CAPRIN1: variants seen among roughly 807,000 people sequenced by gnomAD.
CAPRIN1 encodes the protein caprin-1.
Under a neutral mutation model 100.9 loss-of-function variants are expected in CAPRIN1, and 29 were observed. The observed-to-expected ratio is 0.29, with a 90% CI of 0.21 to 0.39. The LOEUF is 0.39. CAPRIN1 is among the 10% of genes least tolerant of loss of function. The pLI is 1.00. For synonymous variants in CAPRIN1, 338 were observed against 307.5 expected (o/e 1.10, Z -1.04); for missense variants, 795 against 876.7 (o/e 0.91, Z 1.18).
At chr11:34,068,823 A>G (rs1420295260) in intron 2 of CAPRIN1, among the ~76,000 whole-genome samples, 2 of 152,186 alleles carry the variant, frequency 1.3e-5, no homozygotes, top group Non-Finnish European at 2.9e-5. Context: ...TTTCATCGCT[A>G]CACAAACATT....
intron 2 of CAPRIN1, among the ~76,000 whole-genome samples, chr11:34,062,459 A>G (rs960767705): frequency 6.6e-6 from 1 of 152,026 alleles, no homozygotes; most frequent in African/African-American, 2.4e-5. Flanking sequence ...CCCCGTCTCT[A>G]CTAAAAATAA....
At chr11:34,081,652 C>A (rs1039235734) in intron 7 of CAPRIN1, among the ~76,000 whole-genome samples, 1 of 152,096 alleles carries the variant, frequency 6.6e-6, no homozygotes, top group Non-Finnish European at 1.5e-5. Context: ...TGGCACCACA[C>A]CTGACTCAGT....
At position 34,088,478 on chromosome 11, in the gene CAPRIN1, T is replaced by C. The variant is rs140845566; in HGVS notation, c.1232-917T>C. ...GAGTTTGAGACCAGCCTGAGCAACA[T>C]AGACCTCGCCTCTACAAAAAAATTA... On this transcript the variant is annotated intron_variant, in intron 11 of 18. Transcript: ENST00000341394. 4.3e-3 allele frequency among the ~76,000 whole-genome samples: 655 copies of C among 152,028 alleles called. 5 individuals are homozygous for C. Among genetic ancestry groups the C allele is most frequent in the African/African-American group, 0.015 (616 of 41,470 alleles).
intron 4 of CAPRIN1, among the ~76,000 whole-genome samples, chr11:34,072,295 A>G (rs997865587): frequency 9.2e-5 from 14 of 151,446 alleles, no homozygotes; most frequent in African/African-American, 1.5e-4. Context: ...CAGCCTGGGC[A>G]ACGTGATAAA....
At chr11:34,083,502 T>G (rs928170123) in intron 9 of CAPRIN1, among the ~76,000 whole-genome samples, 1 of 152,214 alleles carries the variant, frequency 6.6e-6, no homozygotes, top group Non-Finnish European at 1.5e-5. Context: ...TCAGTGACTC[T>G]CTTCATATTA....
At chr11:34,065,895 T>C (rs140491596) in intron 2 of CAPRIN1, among the ~76,000 whole-genome samples, 15 of 152,362 alleles carry the variant, frequency 9.8e-5, no homozygotes, top group African/African-American at 3.4e-4. Context: ...AATAGTAGTG[T>C]AGAAAATGTT....
intron 2 of CAPRIN1, 32 bp downstream of exon 2, chr11:34,052,668 GCTGCGGCCGGGCT>G (rs1190261515): frequency 6.4e-7 from 1 of 1,571,728 alleles, no homozygotes; most frequent in Non-Finnish European, 8.6e-7. Flanking sequence ...GGGAGGGGTG[GCTGCGGCCGGGCT>G]CTGCGGCCCC....
At chr11:34,063,858 T>C (rs1224036620) in intron 2 of CAPRIN1, among the ~76,000 whole-genome samples, 1 of 152,096 alleles carries the variant, frequency 6.6e-6, no homozygotes, top group Non-Finnish European at 1.5e-5. Flanking sequence ...TGGAGTGCAA[T>C]GGTGTGATCT....
intron 9 of CAPRIN1, among the ~76,000 whole-genome samples, chr11:34,084,353 T>C (rs1016725785): frequency 1.1e-4 from 16 of 152,130 alleles, no homozygotes; most frequent in African/African-American, 3.9e-4. Flanking sequence ...CCCAGAAAGG[T>C]ACTTGGGATG....
intron 13 of CAPRIN1, 38 bp from the exon 14 acceptor site, chr11:34,090,470 CTTTTTGTTTGGCTAAGTTTAG>C: frequency 6.4e-7 from 1 of 1,570,354 alleles, no homozygotes; most frequent in Non-Finnish European, 8.7e-7. Context: ...CATCTGTTCA[CTTTTTGTTTGGCTAAGTTTAG>C]TTTACCGCTA....
chr11:34,072,847 A>C (rs1415371197), intron 4 of CAPRIN1, among the ~76,000 whole-genome samples: 1 of 152,222 alleles, frequency 6.6e-6, no homozygotes. Context: ...GTCCCATAAC[A>C]TTGTAATACT....
chr11:34,071,948 A>G lies in CAPRIN1; in HGVS notation c.327A>G (p.Ala109=). The G allele has an allele frequency of 6.2e-7, 1 of 1,613,406 alleles. No homozygotes were observed. Among genetic ancestry groups the G allele is most frequent in the Non-Finnish European group, 8.5e-7 (1 of 1,179,502 alleles). The change falls in exon 4 of 19, where the codon GCA becomes GCG. Residue 109 remains alanine (A), a synonymous_variant. Transcript: ENST00000341394. ...AAGTCACAAATAATTTGGAGTTTGCAAAAGAATTACAGAGGAGTTTCATGG... is the reference window on the plus strand; with the variant it reads ...AAGTCACAAATAATTTGGAGTTTGCGAAAGAATTACAGAGGAGTTTCATGG... ...YQEVTNNLEF[A]KELQRSFMAL...
intron 2 of CAPRIN1, among the ~76,000 whole-genome samples, chr11:34,070,332 A>G (rs16925115): frequency 0.1 from 15,553 of 152,274 alleles, 856 homozygotes; most frequent in African/African-American, 0.15. Flanking sequence ...TATCTTGTTC[A>G]AGATAAATGG....
At position 34,100,480 on chromosome 11, in the gene CAPRIN1, C is replaced by T. The variant is rs1023288264; in HGVS notation, c.*1113C>T. ...GTAGTTTCAGTTCTGATGGTATAAG[C>T]AAAACAAATAAAACGTTTATAAAAG... On this transcript the variant is annotated 3_prime_UTR_variant, in exon 19 of 19. Transcript: ENST00000341394. The T allele has an allele frequency of 6.6e-6, 1 of 152,090 alleles. No individual in the cohort carries two copies. Among genetic ancestry groups the T allele is most frequent in the Non-Finnish European group, 1.5e-5 (1 of 68,024 alleles). 9.4% of individuals were successfully genotyped at this position (152,090 alleles called of 1,614,324 possible). A position where few individuals can be genotyped will look rare whatever the true frequency, so the allele number is the denominator to read the frequency against.
chr11:34,065,241 C>T (rs898180977), intron 2 of CAPRIN1, among the ~76,000 whole-genome samples: 28 of 152,134 alleles, frequency 1.8e-4, no homozygotes, highest in African/African-American at 6.8e-4. Flanking sequence ...GGATTACAGG[C>T]GTGAGCCACT....
At chr11:34,097,917 G>C (rs1851396652) in intron 18 of CAPRIN1, 156 bp downstream of exon 18, 1 of 1,377,576 alleles carries the variant, frequency 7.3e-7, no homozygotes, top group Non-Finnish European at 9.4e-7. Flanking sequence ...ACTTAATCTT[G>C]GACCCAAATT....
chr11:34,065,160 C>CCTGTCT (rs1249077533), intron 2 of CAPRIN1, among the ~76,000 whole-genome samples: 1 of 151,866 alleles, frequency 6.6e-6, no homozygotes, highest in Non-Finnish European at 1.5e-5. Flanking sequence ...GACAGGGTTT[C>CCTGTCT]ACCTTGTTAG....
chr11:34,053,018 T>C (rs1276508961), intron 2 of CAPRIN1: 3 of 1,041,764 alleles, frequency 2.9e-6, no homozygotes, highest in African/African-American at 1.7e-5. Flanking sequence ...GGGCCCAAAA[T>C]GAAGAGGTCC....
intron 18 of CAPRIN1, chr11:34,098,568 C>A (rs1190517857): frequency 1.0e-6 from 1 of 985,116 alleles, no homozygotes; most frequent in Non-Finnish European, 1.2e-6. Context: ...GGAGGAATTA[C>A]AACGTACTTT....
Sources: allele counts gnomAD v4.1 joint callset (sites outside exome capture counted in the v4.1 genomes callset), GRCh38; gene constraint gnomAD v4.1.1; transcripts MANE v1.5; gene names NCBI Gene and HGNC (gene_info 2026-07-23, HGNC 2026-07-21).